The following SLC39A11 variants were observed in gnomAD, a reference collection of about 807,000 sequenced individuals.
The protein encoded by SLC39A11 is solute carrier family 39 member 11, also known as zinc transporter ZIP11.
In SLC39A11, 33 loss-of-function variants were observed where a neutral mutation model predicts 36.1. The ratio of observed to expected loss-of-function variants is 0.91; its 90% CI spans 0.69 to 1.22. SLC39A11 has a LOEUF of 1.22. Among genes scored for constraint, SLC39A11 ranks in the 50% most tolerant of loss-of-function variants. SLC39A11 has a pLI of 0.00. For synonymous variants in SLC39A11, 166 were observed against 170.3 expected (o/e 0.97, Z 0.20); for missense variants, 432 against 430.3 (o/e 1.00, Z -0.03).
At chr17:72,799,376 C>T (rs998731980) in intron 6 of SLC39A11, among the ~76,000 whole-genome samples, 1 of 151,980 alleles carries the variant, frequency 6.6e-6, no homozygotes, top group East Asian at 1.9e-4. Flanking sequence ...TGAAAAAGAA[C>T]AGAATAACAG....
intron 6 of SLC39A11, among the ~76,000 whole-genome samples, chr17:72,800,303 A>ATTTTTTTTTTTTTTTTTTTTTTTTTTT (rs34172959): frequency 1.1e-5 from 1 of 90,368 alleles, no homozygotes; most frequent in Non-Finnish European, 2.3e-5. Flanking sequence ...ACCTACAATA[A>ATTTTTTTTTTTTTTTTTTTTTTTTTTT]TTTTTTTTTT....
At chr17:72,939,957 C>T (rs1488618034) in intron 5 of SLC39A11, among the ~76,000 whole-genome samples, 28 of 152,152 alleles carry the variant, frequency 1.8e-4, no homozygotes, top group Non-Finnish European at 2.9e-5. Context: ...CCAAAATGTT[C>T]CAAGGAGCAT....
At chr17:72,734,697 T>C (rs1379233010) in intron 7 of SLC39A11, among the ~76,000 whole-genome samples, 3 of 152,016 alleles carry the variant, frequency 2.0e-5, no homozygotes, top group Non-Finnish European at 4.4e-5. Context: ...AACATCGGAG[T>C]TGACATGATG....
intron 7 of SLC39A11, among the ~76,000 whole-genome samples, chr17:72,718,808 A>T (rs968010326): frequency 2.3e-4 from 35 of 152,164 alleles, no homozygotes; most frequent in African/African-American, 8.2e-4. Context: ...CTGGCAGAGG[A>T]AGTTTATTCG....
intron 5 of SLC39A11, among the ~76,000 whole-genome samples, chr17:72,884,249 G>A (rs768563378): frequency 3.3e-5 from 5 of 152,362 alleles, no homozygotes; most frequent in East Asian, 1.9e-4. Flanking sequence ...CAAAAGCAGC[G>A]TTGTCACTGT....
At chr17:72,699,730 C>T (rs2072516413) in intron 7 of SLC39A11, among the ~76,000 whole-genome samples, 2 of 152,296 alleles carry the variant, frequency 1.3e-5, no homozygotes, top group South Asian at 4.2e-4. Flanking sequence ...CTGGCAAGGG[C>T]GGCCAGGGCT....
At chr17:72,900,715 T>C (rs1480580515) in intron 5 of SLC39A11, among the ~76,000 whole-genome samples, 3 of 152,134 alleles carry the variant, frequency 2.0e-5, no homozygotes, top group African/African-American at 4.8e-5. Context: ...GAATGATTGA[T>C]GGGTGAGCAC....
In SLC39A11 at chr17:72,864,913, C is replaced by G. The variant is rs1354982152; in HGVS notation, c.431-15109G>C. 3.4e-4 allele frequency among the ~76,000 whole-genome samples: 51 copies of G among 152,066 alleles called. 1 individual carries two copies. ...CTGGCCGAGCCCAGAACACGAAGGA[C>G]CCAGCTAGGGAGTAAAGATGAAAGC... is the stretch of plus-strand genomic sequence containing the variant. On this transcript the variant is annotated intron_variant, in intron 5 of 9. Transcript: ENST00000255559.
In SLC39A11 at chr17:72,743,192, C is replaced by CA. The variant is rs148004180; in HGVS notation, c.602-6474_602-6473insT. 6.1e-3 allele frequency among the ~76,000 whole-genome samples: 931 copies of CA among 152,266 alleles called. 32 individuals are homozygous for CA. In the East Asian group the frequency reaches 0.081, roughly 13 times the overall value. ...AAAGGGCCTGCCCTAGGTGACCCAGCTGGGGGGGCTAGAGCTGGGCCGTAA... is the reference window on the plus strand; with the variant it reads ...AAAGGGCCTGCCCTAGGTGACCCAGCATGGGGGGGCTAGAGCTGGGCCGTAA... On this transcript the variant is annotated intron_variant, in intron 6 of 9. Coordinates refer to ENST00000255559, the MANE Select transcript of SLC39A11 (RefSeq NM_139177.4).
chr17:72,689,313 A>C (rs1313812324), intron 7 of SLC39A11, among the ~76,000 whole-genome samples: 1 of 152,216 alleles, frequency 6.6e-6, no homozygotes, highest in Non-Finnish European at 1.5e-5. Context: ...CCTTGAAAGT[A>C]ATTGTTTGAA....
At chr17:72,772,870 G>A (rs2075998844) in intron 6 of SLC39A11, among the ~76,000 whole-genome samples, 2 of 152,152 alleles carry the variant, frequency 1.3e-5, no homozygotes, top group Admixed American at 6.5e-5. Flanking sequence ...GATCACCTGA[G>A]GTCAGGAGTT....
At chr17:72,734,948 G>A (rs552801127) in intron 7 of SLC39A11, among the ~76,000 whole-genome samples, 2 of 152,260 alleles carry the variant, frequency 1.3e-5, no homozygotes, top group East Asian at 1.9e-4. Context: ...CTGTGCCAGG[G>A]GCAGAAGAGC....
At chr17:72,682,374 T>TA (rs1414560243) in intron 7 of SLC39A11, among the ~76,000 whole-genome samples, 4 of 141,534 alleles carry the variant, frequency 2.8e-5, no homozygotes, top group African/African-American at 1.1e-4. Flanking sequence ...AGACTGCTGG[T>TA]ATATAATACA....
chr17:73,050,938 A>G (rs1158268185), intron 3 of SLC39A11, among the ~76,000 whole-genome samples: 1 of 94,474 alleles, frequency 1.1e-5, no homozygotes, highest in Non-Finnish European at 2.2e-5. Context: ...GGGAGGGATT[A>G]CAGGGCTTGT....
chr17:72,795,126 C>T (rs575140419), intron 6 of SLC39A11, among the ~76,000 whole-genome samples: 2 of 152,226 alleles, frequency 1.3e-5, no homozygotes, highest in East Asian at 1.9e-4. Flanking sequence ...TAACATCTTC[C>T]CTGCAAATTT....
At chr17:72,650,525 G>A (rs140735078) in intron 7 of SLC39A11, among the ~76,000 whole-genome samples, 21 of 152,294 alleles carry the variant, frequency 1.4e-4, no homozygotes, top group Non-Finnish European at 2.9e-4. Flanking sequence ...GGGCCAGTCC[G>A]AGTGCCTTAG....
At position 72,941,572 on chromosome 17, in the gene SLC39A11, A is replaced by T. The variant is rs76367190; in HGVS notation, c.430+6180T>A. ...CAGGACTGTGTTTTTTTTTTTTTTT[A>T]AAAGGCAGAAGCAGATAAAGTGCTA... On this transcript the variant is annotated intron_variant, in intron 5 of 9. Transcript: ENST00000255559. 2.7e-3 allele frequency among the ~76,000 whole-genome samples: 322 copies of T among 120,966 alleles called. 1 individual carries two copies. The highest frequency in any genetic ancestry group is 5.4e-3 in the African/African-American group (201 of 37,366). The allele number at this position is 120,966 out of a possible 152,430, so 79.4% of individuals were successfully genotyped here. A position where few individuals can be genotyped will look rare whatever the true frequency, so the allele number is the denominator to read the frequency against.
chr17:72,748,617 C>T (rs570174281), intron 6 of SLC39A11, among the ~76,000 whole-genome samples: 2 of 152,320 alleles, frequency 1.3e-5, no homozygotes, highest in East Asian at 3.9e-4. Flanking sequence ...AAGACAGCCA[C>T]ATCTTCAAAC....
chr17:72,696,792 A>G (rs1282617685), intron 7 of SLC39A11, among the ~76,000 whole-genome samples: 2 of 152,360 alleles, frequency 1.3e-5, no homozygotes, highest in East Asian at 1.9e-4. Context: ...AAAAAATACA[A>G]TTGTGACATT....
Sources: gnomAD v4.1 joint callset for allele counts (sites outside exome capture counted in the v4.1 genomes callset) on GRCh38, gnomAD v4.1.1 for gene constraint, MANE v1.5 for transcripts, NCBI Gene and HGNC (gene_info 2026-07-23, HGNC 2026-07-21) for gene names.